Variants in KDM5B observed in about 807,000 individuals in gnomAD.
The protein encoded by KDM5B is lysine-specific demethylase 5B.
In KDM5B, 144 loss-of-function variants were observed where a neutral mutation model predicts 193.4. The observed-to-expected ratio is 0.74, with a 90% CI of 0.65 to 0.86. The LOEUF is 0.86. KDM5B is among the 40% of genes least tolerant of loss of function. The pLI is 0.00. For missense variants in KDM5B, 1,833 were observed against 1,886.9 expected (o/e 0.97, Z 0.53); for synonymous variants, 668 against 682.6 (o/e 0.98, Z 0.33).
chr1:202,745,714 G>C (rs904517125), intron 16 of KDM5B, 144 bp downstream of exon 16: 1 of 842,164 alleles, frequency 1.2e-6, no homozygotes, highest in Non-Finnish European at 1.9e-6. Flanking sequence ...CTTCTCTGCC[G>C]GTGCTCTGTA....
In KDM5B at chr1:202,750,733, G is replaced by A. The variant is rs1365506946; in HGVS notation, c.1747C>T (p.Pro583Ser). 1 of 1,613,890 alleles carries A rather than the reference G, an allele frequency of 6.2e-7. No individual in the cohort carries two copies. The highest frequency in any genetic ancestry group is 8.5e-7 in the Non-Finnish European group (1 of 1,179,848). ...QCAGEFVITF[P>S]RAYHSGFNQG... ...TTAAAACCACTGTGGTAGGCTCTTG[G>A]AAATGTAATCACAAACTCCCCAGCA... The change falls in exon 13 of 27, where the codon CCA becomes TCA. Residue 583 changes from proline to serine, a missense_variant. This residue lies in a region of KDM5B where 1,379 missense variants were observed against 1,349.6 expected (regional missense o/e 1.02). Transcript: ENST00000367265.
intron 1 of KDM5B, among the ~76,000 whole-genome samples, chr1:202,783,237 C>A (rs1657269581): frequency 6.6e-6 from 1 of 152,076 alleles, no homozygotes; most frequent in Admixed American, 6.6e-5. Context: ...CATTGCACTC[C>A]AGCCTGGGTG....
intron 22 of KDM5B, 32 bp from the exon 23 acceptor site, chr1:202,733,918 C>A: frequency 1.9e-6 from 3 of 1,577,876 alleles, no homozygotes; most frequent in South Asian, 2.4e-5. Context: ...AGGATGATGT[C>A]CGAGATGGCT....
intron 1 of KDM5B, among the ~76,000 whole-genome samples, chr1:202,781,548 G>C (rs1657198842): frequency 6.6e-6 from 1 of 152,166 alleles, no homozygotes; most frequent in African/African-American, 2.4e-5. Flanking sequence ...ATTAAAGTCT[G>C]ATTTATTTTT....
chr1:202,758,452 A>G lies in KDM5B; in HGVS notation c.1136T>C (p.Leu379Pro). The G allele has an allele frequency of 6.2e-7, 1 of 1,613,160 alleles. No homozygotes were observed. Among genetic ancestry groups the G allele is most frequent in the Non-Finnish European group, 8.5e-7 (1 of 1,179,288 alleles). Residue 379 changes from leucine (L) to proline (P), a missense_variant, in exon 9 of 27, where the codon CTC (leucine) becomes CCC (proline). By Grantham distance (98) the Leu-to-Pro change is moderately conservative (BLOSUM62 -3). Around this residue, in one of 3 missense-constraint regions of KDM5B, gnomAD observed 99 missense variants for 162.4 expected, o/e 0.61. Transcript: ENST00000367265. Reference protein sequence around the residue: ...GFEQAARDYTLRTFGEMADAF... With the variant: ...GFEQAARDYTPRTFGEMADAF... ...ATCTGCCATTTCCCCAAAAGTACGG[A>G]GGGTATAGTCCCTGGCTGCTTGTTC... is the stretch of plus-strand genomic sequence containing the variant.
At chr1:202,800,140 T>C (rs1658015122) in intron 1 of KDM5B, among the ~76,000 whole-genome samples, 1 of 150,840 alleles carries the variant, frequency 6.6e-6, no homozygotes, top group Non-Finnish European at 1.5e-5. Flanking sequence ...ACCTCCCAGG[T>C]TCAAGTGATT....
Position 202,749,038 on chromosome 1 carries a change from A to T in KDM5B, c.1923T>A (p.Asp641Glu). The T allele has an allele frequency of 6.2e-7, 1 of 1,614,144 alleles. No individual in the cohort carries two copies. The highest frequency in any genetic ancestry group is 8.5e-7 in the Non-Finnish European group (1 of 1,179,976). ...TTGAAGCCACTACAACATCTAATAC[A>T]TCAGCCTTGGAAGCCATCTTGCAGA... The part of the protein sequence containing the change: ...EMICKMASKA[D>E]VLDVVVASTV... The change falls in exon 14 of 27, where the codon GAT becomes GAA. Residue 641 changes from aspartate (D) to glutamate (E), a missense_variant. Asp to Glu is a conservative substitution (Grantham distance 45, BLOSUM62 2). This residue lies in a region of KDM5B where 1,379 missense variants were observed against 1,349.6 expected (regional missense o/e 1.02). Transcript: ENST00000367265.
intron 1 of KDM5B, among the ~76,000 whole-genome samples, chr1:202,800,456 T>A (rs891595965): frequency 5.3e-5 from 8 of 152,306 alleles, no homozygotes; most frequent in African/African-American, 1.7e-4. Flanking sequence ...TCCTCCCACC[T>A]TGGCCTCCCG....
intron 1 of KDM5B, among the ~76,000 whole-genome samples, chr1:202,802,543 C>A (rs916195978): frequency 6.6e-6 from 1 of 152,222 alleles, no homozygotes; most frequent in Admixed American, 6.5e-5. Context: ...CAGGCGCCTG[C>A]CACCATGCCC....
intron 20 of KDM5B, among the ~76,000 whole-genome samples, chr1:202,738,706 A>G (rs12131556): frequency 0.19 from 28,141 of 151,942 alleles, 2,975 homozygotes; most frequent in Middle Eastern, 0.28. Flanking sequence ...TTTTTTCTCA[A>G]TAGGTCAGTA....
rs1352520111 is a variant in KDM5B, at chr1:202,726,380, T to C, written c.*2656A>G. On this transcript the variant is annotated 3_prime_UTR_variant, in exon 27 of 27. Coordinates refer to ENST00000367265, the MANE Select transcript of KDM5B (RefSeq NM_006618.5). Reference sequence around the variant, plus strand: ...TTACATAGTCCAAATTACATAACCTTTCTCCAGGATAGAGGCTACATATAA... The same window carrying C: ...TTACATAGTCCAAATTACATAACCTCTCTCCAGGATAGAGGCTACATATAA... 6.6e-6 allele frequency: 1 copy of C among 152,176 alleles called. No homozygotes were observed. Among genetic ancestry groups the C allele is most frequent in the East Asian group, 1.9e-4 (1 of 5,188 alleles). The allele number at this position is 152,176 out of a possible 1,614,324, so 9.4% of individuals were successfully genotyped here. A position where few individuals can be genotyped will look rare whatever the true frequency, so the allele number is the denominator to read the frequency against.
intron 1 of KDM5B, among the ~76,000 whole-genome samples, chr1:202,779,844 T>TAAATAAAA (rs1553359863): frequency 3.1e-3 from 447 of 145,872 alleles, no homozygotes; most frequent in African/African-American, 9.2e-3. Context: ...AATAAATAAA[T>TAAATAAAA]AAAAAATAAA....
At chr1:202,807,443 A>T (rs1223569509) in intron 1 of KDM5B, 3 of 93,254 alleles carry the variant, frequency 3.2e-5, no homozygotes, top group African/African-American at 8.2e-5. Context: ...GCCCCCAGCC[A>T]GCGCTGGCCG....
chr1:202,808,380 C>G lies in KDM5B; in HGVS notation c.-75G>C. On this transcript the variant is annotated 5_prime_UTR_variant, in exon 1 of 27. Coordinates refer to ENST00000367265, the MANE Select transcript of KDM5B (RefSeq NM_006618.5). ...CTGCGAGCTCCGCTCGGTCCGAGAC[C>G]CGTGCAGACGCGGCTCGAGCAACAG... 1 of 1,359,830 alleles carries G rather than the reference C, an allele frequency of 7.4e-7. No individual in the cohort carries two copies. The highest frequency in any genetic ancestry group is 9.8e-7 in the Non-Finnish European group (1 of 1,018,892). The allele number at this position is 1,359,830 out of a possible 1,614,324, so 84.2% of individuals were successfully genotyped here. A position where few individuals can be genotyped will look rare whatever the true frequency, so the allele number is the denominator to read the frequency against.
chr1:202,789,657 C>T (rs1043641320), intron 1 of KDM5B, among the ~76,000 whole-genome samples: 1 of 19,440 alleles, frequency 5.1e-5, no homozygotes, highest in African/African-American at 2.0e-4. Context: ...CCAGCCAGAG[C>T]ACCATGGCGG....
rs373534288 is a variant in KDM5B at position 202,736,401 on chromosome 1, T to G, written c.3085-9A>C. On this transcript the variant is annotated splice_polypyrimidine_tract_variant and intron_variant, in intron 20 of 26. Transcript: ENST00000367265. Reference sequence around the variant, plus strand: ...GGCACACGTCCTCCAGCCTAATAAGTCAAGAAAAATTACAGCAGTTTAGAG... The same window carrying G: ...GGCACACGTCCTCCAGCCTAATAAGGCAAGAAAAATTACAGCAGTTTAGAG... 11 of 1,531,376 alleles carry G rather than the reference T, an allele frequency of 7.2e-6. No homozygotes were observed. The highest frequency in any genetic ancestry group is 9.7e-6 in the Non-Finnish European group (11 of 1,137,898). The allele number at this position is 1,531,376 out of a possible 1,614,324, so 94.9% of individuals were successfully genotyped here. A position where few individuals can be genotyped will look rare whatever the true frequency, so the allele number is the denominator to read the frequency against.
intron 1 of KDM5B, among the ~76,000 whole-genome samples, chr1:202,790,445 C>A (rs1037633661): frequency 6.6e-6 from 1 of 151,106 alleles, no homozygotes; most frequent in Non-Finnish European, 1.5e-5. Flanking sequence ...TTAGGCCAGG[C>A]ACCATGGCTC....
intron 1 of KDM5B, among the ~76,000 whole-genome samples, chr1:202,801,947 G>A (rs946241309): frequency 4.0e-5 from 6 of 151,514 alleles, no homozygotes; most frequent in Admixed American, 1.3e-4. Flanking sequence ...TTGAGAATGT[G>A]TAGCCCTCCA....
intron 1 of KDM5B, among the ~76,000 whole-genome samples, chr1:202,804,076 G>A (rs755296574): frequency 2.0e-5 from 3 of 151,588 alleles, no homozygotes; most frequent in Non-Finnish European, 4.4e-5. Context: ...AGAACTTAAA[G>A]TATAATTTAA....
Sources: gnomAD v4.1 joint callset for allele counts (sites outside exome capture counted in the v4.1 genomes callset) on GRCh38, gnomAD v4.1.1 for gene constraint, gnomAD v4.1.1 regional missense constraint, MANE v1.5 for transcripts, NCBI Gene and HGNC (gene_info 2026-07-23, HGNC 2026-07-21) for gene names.